The following COL22A1 variants were observed in gnomAD, a reference collection of about 807,000 sequenced individuals.
COL22A1 encodes collagen alpha-1(XXII) chain.
In COL22A1, 221 loss-of-function variants were observed where a neutral mutation model predicts 248.9. The observed-to-expected ratio is 0.89, with a 90% CI of 0.80 to 0.99. COL22A1 has a LOEUF of 0.99. Ranked by LOEUF, COL22A1 falls within the 50% of genes least tolerant of loss-of-function variation. The probability of loss-of-function intolerance (pLI) is 0.00; values close to 1 mark genes in which losing one functional copy is unlikely to be tolerated. For missense variants in COL22A1, 2,240 were observed against 2,179.0 expected (o/e 1.03, Z -0.56); for synonymous variants, 891 against 793.4 (o/e 1.12, Z -2.07).
chr8:138,907,435 G>C (rs1243685376), intron 1 of COL22A1, among the ~76,000 whole-genome samples: 1 of 152,200 alleles, frequency 6.6e-6, no homozygotes, highest in African/African-American at 2.4e-5. Context: ...CTGAGCAAAG[G>C]ACTACTGCAA....
chr8:138,789,672 G>C (rs913510921), intron 12 of COL22A1, among the ~76,000 whole-genome samples: 6 of 152,194 alleles, frequency 3.9e-5, no homozygotes, highest in African/African-American at 1.4e-4. Context: ...GAGGGGCAGG[G>C]AACTGACATT....
chr8:138,673,552 C>T (rs1382635866), intron 41 of COL22A1, among the ~76,000 whole-genome samples: 1 of 152,132 alleles, frequency 6.6e-6, no homozygotes, highest in Non-Finnish European at 1.5e-5. Context: ...AGGGATCTCA[C>T]AGAAGATTAA....
At chr8:138,862,026 TAAAAAAAAAAAA>T (rs386414193) in intron 3 of COL22A1, among the ~76,000 whole-genome samples, 3 of 93,274 alleles carry the variant, frequency 3.2e-5, no homozygotes, top group African/African-American at 1.3e-4. Context: ...CTGTCTCTAC[TAAAAAAAAAAAA>T]AAAAAAAAAG....
chr8:138,716,895 A>C, intron 27 of COL22A1, 26 bp from the exon 28 acceptor site: 1 of 1,573,546 alleles, frequency 6.4e-7, no homozygotes, highest in Non-Finnish European at 8.7e-7. Flanking sequence ...AACATACCCC[A>C]TTATTCTCCA....
chr8:138,593,969 C>A, intron 63 of COL22A1, 48 bp downstream of exon 63: 1 of 1,408,016 alleles, frequency 7.1e-7, no homozygotes, highest in Non-Finnish European at 9.4e-7. Flanking sequence ...GTTCCTTCTC[C>A]GCCCTCCAGG....
chr8:138,685,537 A>G lies in COL22A1; in HGVS notation c.2863-225T>C, dbSNP rs559711275. Among the ~76,000 whole-genome samples the G allele has an allele frequency of 2.0e-5, 3 of 152,298 alleles. No homozygotes were observed. In the South Asian group the frequency reaches 6.2e-4, roughly 32 times the overall value. On this transcript the variant is annotated intron_variant, in intron 37 of 64. Transcript: ENST00000303045. Reference sequence around the variant, plus strand: ...TGAAGTCCTAACCCCTACTACTTCAATGCACAGATGTGATTAAAGTTAGGA... The same window carrying G: ...TGAAGTCCTAACCCCTACTACTTCAGTGCACAGATGTGATTAAAGTTAGGA...
intron 54 of COL22A1, among the ~76,000 whole-genome samples, chr8:138,616,575 C>G (rs1474682513): frequency 6.6e-6 from 1 of 152,236 alleles, no homozygotes; most frequent in Non-Finnish European, 1.5e-5. Context: ...CCCATGTCCT[C>G]TGGGCCTCAG....
At chr8:138,691,945 T>C (rs1323675611) in intron 35 of COL22A1, among the ~76,000 whole-genome samples, 2 of 122,760 alleles carry the variant, frequency 1.6e-5, no homozygotes, top group Non-Finnish European at 3.5e-5. Context: ...TGTGTACGTG[T>C]GTGCATGTTT....
intron 47 of COL22A1, among the ~76,000 whole-genome samples, chr8:138,646,037 C>T (rs1021015068): frequency 6.6e-6 from 1 of 152,156 alleles, no homozygotes; most frequent in African/African-American, 2.4e-5. Flanking sequence ...ACAGCCCCAG[C>T]CCTAGAACAT....
chr8:138,820,931 C>T (rs1307507137), intron 7 of COL22A1, among the ~76,000 whole-genome samples: 3 of 152,132 alleles, frequency 2.0e-5, no homozygotes, highest in African/African-American at 7.2e-5. Flanking sequence ...GGTTGAATAA[C>T]CGAATGAGTT....
chr8:138,695,816 G>A (rs1426228317), intron 32 of COL22A1, among the ~76,000 whole-genome samples: 2 of 151,896 alleles, frequency 1.3e-5, no homozygotes, highest in Non-Finnish European at 2.9e-5. Context: ...ATGAGCAGAT[G>A]GGGGACTACA....
At chr8:138,801,443 ATTC>A (rs1816993271) in intron 11 of COL22A1, among the ~76,000 whole-genome samples, 2 of 152,188 alleles carry the variant, frequency 1.3e-5, no homozygotes, top group African/African-American at 4.8e-5. Context: ...TGCCATGCTA[ATTC>A]TTCTAGGGAA....
chr8:138,890,119 T>A (rs184112504), intron 1 of COL22A1, among the ~76,000 whole-genome samples: 176 of 151,864 alleles, frequency 1.2e-3, no homozygotes, highest in African/African-American at 3.5e-3. Flanking sequence ...ATAAGCAGAA[T>A]GAAGGGAAGA....
At chr8:138,834,332 GA>G (rs1820274037) in intron 4 of COL22A1, among the ~76,000 whole-genome samples, 1 of 142,792 alleles carries the variant, frequency 7.0e-6, no homozygotes, top group Non-Finnish European at 1.5e-5. Flanking sequence ...AGGCACTACT[GA>G]AAAAAGAGAA....
At chr8:138,704,070 CT>C (rs1347511325) in intron 30 of COL22A1, among the ~76,000 whole-genome samples, 1 of 152,192 alleles carries the variant, frequency 6.6e-6, no homozygotes, top group Non-Finnish European at 1.5e-5. Flanking sequence ...GGCAGCGAGG[CT>C]GGGGGAGGGG....
At chr8:138,641,419 A>T (rs903857637) in intron 47 of COL22A1, among the ~76,000 whole-genome samples, 1 of 152,210 alleles carries the variant, frequency 6.6e-6, no homozygotes, top group East Asian at 1.9e-4. Context: ...CAGAATAGTC[A>T]TCATTTCCAA....
At chr8:138,846,144 G>A (rs1586878408) in intron 3 of COL22A1, among the ~76,000 whole-genome samples, 1 of 152,130 alleles carries the variant, frequency 6.6e-6, no homozygotes, top group Admixed American at 6.5e-5. Context: ...TACAGGAATG[G>A]GTACAGGCAC....
chr8:138,654,753 G>GGCACCTGT, intron 45 of COL22A1, among the ~76,000 whole-genome samples: 1 of 152,244 alleles, frequency 6.6e-6, no homozygotes, highest in South Asian at 2.1e-4. Context: ...CAGGCACCTG[G>GGCACCTGT]GCACCTGTGC....
At chr8:138,805,028 A>ACGGTG (rs1817367079) in intron 10 of COL22A1, among the ~76,000 whole-genome samples, 1 of 51,374 alleles carries the variant, frequency 1.9e-5, no homozygotes, top group African/African-American at 1.6e-4. Flanking sequence ...TGTGTGTGTG[A>ACGGTG]TAGTGTGTGT....
Sources: gnomAD v4.1 joint callset for allele counts (sites outside exome capture counted in the v4.1 genomes callset) on GRCh38, gnomAD v4.1.1 for gene constraint, MANE v1.5 for transcripts, NCBI Gene and HGNC (gene_info 2026-07-23, HGNC 2026-07-21) for gene names.